BCKDHB: variants seen among roughly 807,000 people sequenced by gnomAD.
BCKDHB encodes branched chain keto acid dehydrogenase E1 subunit beta.
In BCKDHB, 41 loss-of-function variants were observed where a neutral mutation model predicts 48.5. That is an observed-to-expected ratio of 0.85 (90% confidence interval 0.66 to 1.10). The LOEUF (loss-of-function observed/expected upper bound fraction) is 1.10. BCKDHB is among the 50% of genes least tolerant of loss of function. The pLI is 0.00. For missense variants in BCKDHB, 496 were observed against 494.2 expected (o/e 1.00, Z -0.03); for synonymous variants, 201 against 174.8 (o/e 1.15, Z -1.18).
the BCKDHB span, among the ~76,000 whole-genome samples, chr6:80,432,499 C>T: frequency 6.6e-5 from 10 of 152,044 alleles, no homozygotes; most frequent in South Asian, 4.1e-4. Flanking sequence ...GTATGCTTCA[C>T]GAAGTTCTCG....
At chr6:80,289,611 C>G in intron 9 of BCKDHB, among the ~76,000 whole-genome samples, 1 of 152,094 alleles carries the variant, frequency 6.6e-6, no homozygotes, top group East Asian at 1.9e-4. Flanking sequence ...AGGGCTAGTT[C>G]CCAGCCCCGA....
chr6:80,174,574 C>G (rs958312870), intron 6 of BCKDHB, among the ~76,000 whole-genome samples: 4 of 152,136 alleles, frequency 2.6e-5, no homozygotes, highest in African/African-American at 7.2e-5. Flanking sequence ...TGGACCCCTC[C>G]AGTTCAAACT....
At chr6:80,291,951 T>G (rs1344931636) in intron 9 of BCKDHB, among the ~76,000 whole-genome samples, 1 of 152,182 alleles carries the variant, frequency 6.6e-6, no homozygotes, top group Admixed American at 6.5e-5. Flanking sequence ...GGAACTCTGT[T>G]CCATGAAAGG....
At chr6:80,255,937 C>T (rs959609979) in intron 8 of BCKDHB, among the ~76,000 whole-genome samples, 3 of 152,130 alleles carry the variant, frequency 2.0e-5, no homozygotes, top group African/African-American at 7.2e-5. Flanking sequence ...CTACTGGTTC[C>T]TGGTGGCCTG....
chr6:80,260,429 A>T (rs1160107148), intron 8 of BCKDHB, among the ~76,000 whole-genome samples: 2 of 152,178 alleles, frequency 1.3e-5, no homozygotes, highest in Admixed American at 1.3e-4. Context: ...TCACTCTTCC[A>T]GTAGTATATA....
chr6:80,409,858 G>T, the BCKDHB span, among the ~76,000 whole-genome samples: 1 of 151,470 alleles, frequency 6.6e-6, no homozygotes, highest in African/African-American at 2.4e-5. Context: ...GCACTCTGAT[G>T]GTTCTTGATT....
chr6:80,108,959 G>A (rs1003589340), intron 1 of BCKDHB, among the ~76,000 whole-genome samples: 3 of 152,204 alleles, frequency 2.0e-5, no homozygotes, highest in African/African-American at 4.8e-5. Context: ...TTTTAGTTTC[G>A]TATTTTCCAT....
chr6:80,139,625 A>G lies in BCKDHB; in HGVS notation c.343+10396A>G, dbSNP rs529695588. 4.4e-3 allele frequency among the ~76,000 whole-genome samples: 667 copies of G among 151,816 alleles called. 6 individuals carry two copies. The highest frequency in any genetic ancestry group is 7.0e-3 in the Non-Finnish European group (476 of 67,918). On this transcript the variant is annotated intron_variant, in intron 3 of 9. Transcript: ENST00000320393. ...GATCAGATAGTTGTAGATATGTGGC[A>G]TTATTTCTGAGGGCTCTGTTCTGTT...
chr6:80,148,953 A>G (rs1487828059), intron 3 of BCKDHB, among the ~76,000 whole-genome samples: 1 of 152,200 alleles, frequency 6.6e-6, no homozygotes, highest in Non-Finnish European at 1.5e-5. Context: ...GGCAACAAAA[A>G]ACCAAAATTG....
At chr6:80,227,760 T>C (rs1582398318) in intron 8 of BCKDHB, among the ~76,000 whole-genome samples, 1 of 152,152 alleles carries the variant, frequency 6.6e-6, no homozygotes, top group East Asian at 1.9e-4. Context: ...GAGGTAACAG[T>C]GGGGCTAACA....
chr6:80,402,233 A>G, the BCKDHB span, among the ~76,000 whole-genome samples: 2 of 151,912 alleles, frequency 1.3e-5, no homozygotes, highest in African/African-American at 2.4e-5. Flanking sequence ...CATTCCTGCC[A>G]ACAGTGTACA....
chr6:80,296,925 A>G (rs1767288205), intron 9 of BCKDHB, among the ~76,000 whole-genome samples: 2 of 152,226 alleles, frequency 1.3e-5, no homozygotes, highest in Admixed American at 1.3e-4. Context: ...TTACCAAAAA[A>G]CACATTTCAC....
chr6:80,225,387 T>C (rs932077776), intron 8 of BCKDHB, among the ~76,000 whole-genome samples: 8 of 152,202 alleles, frequency 5.3e-5, no homozygotes, highest in African/African-American at 1.9e-4. Context: ...GTTAGGGATG[T>C]TGTAGACAAA....
intron 9 of BCKDHB, among the ~76,000 whole-genome samples, chr6:80,286,464 C>T (rs1411451453): frequency 6.6e-6 from 1 of 152,142 alleles, no homozygotes; most frequent in Non-Finnish European, 1.5e-5. Flanking sequence ...TAATATAAAG[C>T]AGCATTATCT....
intron 9 of BCKDHB, among the ~76,000 whole-genome samples, chr6:80,314,725 G>C (rs1275070476): frequency 6.6e-6 from 1 of 152,190 alleles, no homozygotes; most frequent in Admixed American, 6.5e-5. Context: ...GTGGTGGCCT[G>C]CCCCTCCCGC....
intron 9 of BCKDHB, among the ~76,000 whole-genome samples, chr6:80,288,873 T>C (rs950551427): frequency 5.3e-5 from 8 of 152,134 alleles, no homozygotes; most frequent in Non-Finnish European, 1.2e-4. Context: ...TTTGTTCATG[T>C]GTGGAATGGC....
At chr6:80,371,813 A>G in the BCKDHB span, among the ~76,000 whole-genome samples, 45 of 151,740 alleles carry the variant, frequency 3.0e-4, no homozygotes, top group East Asian at 4.7e-3. Context: ...TGGATTTCTA[A>G]TTCTTTATTC....
intron 6 of BCKDHB, among the ~76,000 whole-genome samples, chr6:80,187,575 A>G (rs745425609): frequency 3.3e-5 from 5 of 152,176 alleles, no homozygotes; most frequent in Non-Finnish European, 7.3e-5. Context: ...TTTGCAAACT[A>G]TGCATCTAAC....
the BCKDHB span, among the ~76,000 whole-genome samples, chr6:80,441,640 G>T: frequency 6.6e-6 from 1 of 152,048 alleles, no homozygotes; most frequent in Non-Finnish European, 1.5e-5. Context: ...GTTCCTCAGT[G>T]CTTTTTTGCA....
Sources: allele counts gnomAD v4.1 joint callset (sites outside exome capture counted in the v4.1 genomes callset), GRCh38; gene constraint gnomAD v4.1.1; transcripts MANE v1.5; gene names NCBI Gene and HGNC (gene_info 2026-07-23, HGNC 2026-07-21).